The following DIP2A variants were observed in gnomAD, a reference collection of about 807,000 sequenced individuals.
The protein encoded by DIP2A is disco-interacting protein 2 homolog A.
Under a neutral mutation model 177.4 loss-of-function variants are expected in DIP2A, and 85 were observed. The observed-to-expected ratio is 0.48, with a 90% CI of 0.40 to 0.57. The LOEUF (loss-of-function observed/expected upper bound fraction) is 0.57. Among genes scored for constraint, DIP2A ranks in the 20% least tolerant of loss-of-function variants. The probability of loss-of-function intolerance (pLI) is 0.00; values close to 1 mark genes in which losing one functional copy is unlikely to be tolerated. For missense variants in DIP2A, 1,791 were observed against 2,100.2 expected, an observed-to-expected ratio of 0.85 and a Z score of 2.88; for synonymous variants, 886 against 881.8, an observed-to-expected ratio of 1.00 and a Z score of -0.08.
chr21:46,561,765 G>A lies in DIP2A; in HGVS notation c.4049G>A (p.Arg1350Gln), dbSNP rs375258289. ...ATTTTTAGGGTTCGTTTGGTAGAAC[G>A]GGGTTCTCCGCACAGCCTGCCATTG... ...LRHDRVRLVERGSPHSLPLME... is the reference protein window; with the variant it reads ...LRHDRVRLVEQGSPHSLPLME... Residue 1350 changes from arginine to glutamine, a missense_variant, in exon 34 of 38, where the codon CGG (arginine) becomes CAG (glutamine). Arg to Gln is a conservative substitution (Grantham distance 43). Transcript: ENST00000417564. 4.3e-6 allele frequency: 7 copies of A among 1,613,838 alleles called. No homozygotes were observed. Among genetic ancestry groups the A allele is most frequent in the South Asian group, 3.3e-5 (3 of 91,090 alleles).
chr21:46,466,589 G>A (rs1382494830), intron 1 of DIP2A, among the ~76,000 whole-genome samples: 11 of 151,524 alleles, frequency 7.3e-5, no homozygotes, highest in Non-Finnish European at 4.4e-5. Context: ...CTCGTGATCC[G>A]CCCGCATTGA....
chr21:46,484,789 A>G lies in DIP2A; in HGVS notation c.124A>G (p.Arg42Gly), dbSNP rs865966905. 1 of 1,583,604 alleles carries G rather than the reference A, an allele frequency of 6.3e-7. No homozygotes were observed. Residue 42 changes from arginine (R) to glycine (G), a missense_variant, in exon 2 of 38, where the codon AGG (arginine) becomes GGG (glycine). Coordinates refer to ENST00000417564, the MANE Select transcript of DIP2A (RefSeq NM_015151.4). ...DITQKGYEKKRAKLLARYIPL... is the reference protein window; with the variant it reads ...DITQKGYEKKGAKLLARYIPL... ...CACTCAAAAAGGATATGAAAAGAAAAGGGCAAAGCTGCTTGCACGTTATAT... is the reference window on the plus strand; with the variant it reads ...CACTCAAAAAGGATATGAAAAGAAAGGGGCAAAGCTGCTTGCACGTTATAT...
intron 35 of DIP2A, among the ~76,000 whole-genome samples, chr21:46,564,651 C>T (rs1338906952): frequency 2.0e-5 from 3 of 152,192 alleles, no homozygotes; most frequent in East Asian, 1.9e-4. Context: ...TCAAACCAGG[C>T]GGGCACAGGC....
chr21:46,525,982 C>T (rs1334625305), intron 8 of DIP2A, among the ~76,000 whole-genome samples: 1 of 151,380 alleles, frequency 6.6e-6, no homozygotes, highest in African/African-American at 2.4e-5. Flanking sequence ...AATCTCAGCT[C>T]ACTGCAACCT....
Position 46,557,467 on chromosome 21 carries a change from A to G in DIP2A, c.3630-118A>G. On this transcript the variant is annotated intron_variant, in intron 30 of 37. Transcript: ENST00000417564. The surrounding 1 kb of genome is among the most constrained non-coding windows in gnomAD (Gnocchi z 6.0). The stretch of plus-strand genomic sequence containing the variant: ...CCACCAAACCCCCCCACTTGGCGTC[A>G]GAACAGAAATCATGCCCCTGTTGTG... 7.9e-7 allele frequency: 1 copy of G among 1,271,944 alleles called. No homozygotes were observed. 78.8% of individuals were successfully genotyped at this position (1,271,944 alleles called of 1,614,324 possible).
At position 46,537,966 on chromosome 21, in the gene DIP2A, C is replaced by T. The variant is rs566830494; in HGVS notation, c.1801+427C>T. ...TTGTTCTACCTACTGGGCTGTGCCC[C>T]TCTAGACATGTCTCAGAGCAGTGTG... On this transcript the variant is annotated intron_variant, in intron 15 of 37. Coordinates refer to ENST00000417564, the MANE Select transcript of DIP2A (RefSeq NM_015151.4). This position sits in a 1 kb window ranked among gnomAD's most constrained non-coding sequence, Gnocchi z 4.1. Among the ~76,000 whole-genome samples the T allele has an allele frequency of 6.6e-6, 1 of 152,282 alleles. No individual in the cohort carries two copies. The highest frequency in any genetic ancestry group is 2.1e-4 in the South Asian group (1 of 4,822).
At chr21:46,462,998 G>A (rs2054459440) in intron 1 of DIP2A, 2 of 152,222 alleles carry the variant, frequency 1.3e-5, no homozygotes, top group Admixed American at 1.3e-4. Context: ...AGATTCCCAA[G>A]AGGGAAATAA....
At chr21:46,524,941 C>T (rs940058347) in intron 8 of DIP2A, among the ~76,000 whole-genome samples, 1 of 117,282 alleles carries the variant, frequency 8.5e-6, no homozygotes. Flanking sequence ...GGCTGGAGTG[C>T]TGTGGCGTGA....
rs2060886611 is a variant in DIP2A, at chr21:46,568,165, T to A, written c.*543T>A. On this transcript the variant is annotated 3_prime_UTR_variant, in exon 38 of 38. Coordinates refer to ENST00000417564, the MANE Select transcript of DIP2A (RefSeq NM_015151.4). The stretch of plus-strand genomic sequence containing the variant: ...AAAAGGAAGCAAGCTGGACCCATCC[T>A]CCCTGCTCACAGAGGGCACTGTGGT... 1 of 152,348 alleles carries A rather than the reference T, an allele frequency of 6.6e-6. No individual in the cohort carries two copies. Among genetic ancestry groups the A allele is most frequent in the Non-Finnish European group, 1.5e-5 (1 of 68,198 alleles). 9.4% of individuals were successfully genotyped at this position (152,348 alleles called of 1,614,324 possible). A position where few individuals can be genotyped will look rare whatever the true frequency, so the allele number is the denominator to read the frequency against.
chr21:46,582,604 C>T, the DIP2A span, among the ~76,000 whole-genome samples: 3 of 152,118 alleles, frequency 2.0e-5, no homozygotes, highest in Non-Finnish European at 2.9e-5. Context: ...ATCGCTCCAC[C>T]CTGCTTTTCC....
intron 34 of DIP2A, among the ~76,000 whole-genome samples, chr21:46,562,438 C>T (rs1361110594): frequency 3.9e-5 from 6 of 152,316 alleles, no homozygotes; most frequent in East Asian, 1.9e-4. Context: ...CCTTCACAAC[C>T]GCAGAGGCAA....
chr21:46,471,068 C>T (rs930014088), intron 1 of DIP2A, among the ~76,000 whole-genome samples: 2 of 152,170 alleles, frequency 1.3e-5, no homozygotes, highest in Admixed American at 6.5e-5. Context: ...TTTAATCTCG[C>T]TCTGTTGCCC....
intron 1 of DIP2A, among the ~76,000 whole-genome samples, chr21:46,472,336 T>C (rs1186893093): frequency 6.6e-6 from 1 of 152,250 alleles, no homozygotes; most frequent in Non-Finnish European, 1.5e-5. Flanking sequence ...ACTCTGGTAT[T>C]CTGTTACGGC....
chr21:46,576,613 A>T, the DIP2A span, among the ~76,000 whole-genome samples: 23,067 of 152,074 alleles, frequency 0.15, 2,012 homozygotes, highest in African/African-American at 0.23. Flanking sequence ...GTAATAGAAT[A>T]ATTTATATTC....
At chr21:46,502,910 A>G (rs1215892881) in intron 5 of DIP2A, among the ~76,000 whole-genome samples, 1 of 152,196 alleles carries the variant, frequency 6.6e-6, no homozygotes, top group African/African-American at 2.4e-5. Context: ...GAACAGATAG[A>G]TGGACTGTAC....
At chr21:46,549,052 A>C (rs979989479) in intron 21 of DIP2A, among the ~76,000 whole-genome samples, 1 of 152,228 alleles carries the variant, frequency 6.6e-6, no homozygotes, top group African/African-American at 2.4e-5. Flanking sequence ...TACTAAGAGA[A>C]ATAAATTCAA....
At chr21:46,529,853 A>G (rs942136620) in intron 9 of DIP2A, among the ~76,000 whole-genome samples, 6 of 152,122 alleles carry the variant, frequency 3.9e-5, no homozygotes, top group African/African-American at 1.2e-4. Flanking sequence ...TCCCTATTCT[A>G]TGTGTCCAGG....
At chr21:46,565,204 T>C (rs1651225042) in intron 35 of DIP2A, among the ~76,000 whole-genome samples, 1 of 151,424 alleles carries the variant, frequency 6.6e-6, no homozygotes, top group South Asian at 2.1e-4. Context: ...CGTGGACAGG[T>C]GGATACACAC....
Position 46,498,460 on chromosome 21 carries a change from G to C in DIP2A, c.404-122G>C, listed in dbSNP as rs187224700. On this transcript the variant is annotated intron_variant, in intron 4 of 37. Coordinates refer to ENST00000417564, the MANE Select transcript of DIP2A (RefSeq NM_015151.4). This position sits in a 1 kb window ranked among gnomAD's most constrained non-coding sequence, Gnocchi z 4.3. Reference sequence around the variant, plus strand: ...AGCTGACTGCGTGGCTTTGGGCAGAGCTGTGCCAGGTGTACAGAAGCATGC... The same window carrying C: ...AGCTGACTGCGTGGCTTTGGGCAGACCTGTGCCAGGTGTACAGAAGCATGC... The C allele has an allele frequency of 1.6e-6, 2 of 1,240,034 alleles. No homozygotes were observed. Among genetic ancestry groups the C allele is most frequent in the Non-Finnish European group, 2.2e-6 (2 of 890,400 alleles). The allele number at this position is 1,240,034 out of a possible 1,614,324, so 76.8% of individuals were successfully genotyped here.
Sources: allele counts gnomAD v4.1 joint callset (sites outside exome capture counted in the v4.1 genomes callset), GRCh38; gene constraint gnomAD v4.1.1; non-coding constraint Gnocchi (gnomAD v3.1); transcripts MANE v1.5; gene names NCBI Gene and HGNC (gene_info 2026-07-23, HGNC 2026-07-21).